SORCS1: variants seen among roughly 807,000 people sequenced by gnomAD.
SORCS1 encodes the protein sortilin related VPS10 domain containing receptor 1, also known as VPS10 domain-containing receptor SorCS1.
In SORCS1, 60 loss-of-function variants were observed where a neutral mutation model predicts 146.1. That is an observed-to-expected ratio of 0.41 (90% confidence interval 0.33 to 0.51). SORCS1 has a LOEUF of 0.51. Among genes scored for constraint, SORCS1 ranks in the 20% least tolerant of loss-of-function variants. SORCS1 has a pLI of 0.21. For synonymous variants in SORCS1, 637 were observed against 584.0 expected, an observed-to-expected ratio of 1.09 and a Z score of -1.31; for missense variants, 1,352 against 1,487.6, an observed-to-expected ratio of 0.91 and a Z score of 1.50.
At chr10:107,015,760 C>T (rs2139789991) in intron 1 of SORCS1, among the ~76,000 whole-genome samples, 1 of 152,252 alleles carries the variant, frequency 6.6e-6, no homozygotes, top group Middle Eastern at 3.4e-3. Flanking sequence ...TAGAAGAGTT[C>T]ATTTGTATAA....
chr10:107,064,599 C>A (rs1309099156), intron 1 of SORCS1, among the ~76,000 whole-genome samples: 3 of 152,204 alleles, frequency 2.0e-5, no homozygotes, highest in African/African-American at 7.2e-5. Flanking sequence ...TTTATTCATA[C>A]TTAATCCTCT....
Position 106,577,531 on chromosome 10 carries a change from G to C in SORCS1, c.3396C>G (p.Pro1132=). The change falls in exon 26 of 26, where the codon CCC becomes CCG. Residue 1132 remains proline, a synonymous_variant. Coordinates refer to ENST00000263054, the MANE Select transcript of SORCS1 (RefSeq NM_052918.5). ...FKRRVALPSP[P]SPSTQPGDSS... ...AGTCACCAGGTTGAGTAGAAGGGGAGGGAGGGGAGGGTAAAGCTACTCTCC... is the reference window on the plus strand; with the variant it reads ...AGTCACCAGGTTGAGTAGAAGGGGACGGAGGGGAGGGTAAAGCTACTCTCC... 6.2e-7 allele frequency: 1 copy of C among 1,609,528 alleles called. No individual in the cohort carries two copies. Among genetic ancestry groups the C allele is most frequent in the South Asian group, 1.1e-5 (1 of 91,012 alleles).
At chr10:107,169,313 T>C (rs1040270371), upstream of SORCS1, among the ~76,000 whole-genome samples, 2 of 152,114 alleles carry the variant, frequency 1.3e-5, no homozygotes, top group African/African-American at 4.8e-5. Context: ...GAAAGAAAAC[T>C]GGGGAGAATA....
chr10:106,607,082 T>A, intron 23 of SORCS1, 84 bp downstream of exon 23: 1 of 1,549,848 alleles, frequency 6.5e-7, no homozygotes, highest in Non-Finnish European at 8.7e-7. Flanking sequence ...ATCACCAGTT[T>A]ATGGGTCAGA....
At chr10:107,116,076 A>G (rs1355251335) in intron 1 of SORCS1, among the ~76,000 whole-genome samples, 1 of 152,150 alleles carries the variant, frequency 6.6e-6, no homozygotes, top group East Asian at 1.9e-4. Context: ...ATACCACTTC[A>G]TACATAGTAG....
In SORCS1 at chr10:107,164,236, T is replaced by C; in HGVS notation, c.291A>G (p.Ala97=). Residue 97 remains alanine, a synonymous_variant, in exon 1 of 26, where the codon GCA becomes GCG. Coordinates refer to ENST00000263054, the MANE Select transcript of SORCS1 (RefSeq NM_052918.5). The surrounding 1 kb of genome is among the most constrained non-coding windows in gnomAD (Gnocchi z 6.8). The stretch of plus-strand genomic sequence containing the variant: ...CGGAGCGTGCAGCAACCGCCATGGA[T>C]GCCCCAGTGCCCCGAGCCCGCTCCA... The part of the protein sequence containing the change: ...LSLERARGTG[A]SMAVAARSGR... 1 of 1,607,008 alleles carries C rather than the reference T, an allele frequency of 6.2e-7. No homozygotes were observed. Among genetic ancestry groups the C allele is most frequent in the Non-Finnish European group, 8.5e-7 (1 of 1,179,718 alleles).
intron 5 of SORCS1, among the ~76,000 whole-genome samples, chr10:106,739,613 C>A (rs998132610): frequency 6.6e-6 from 1 of 151,926 alleles, no homozygotes; most frequent in South Asian, 2.1e-4. Flanking sequence ...TCGAGACCAT[C>A]TGGCTAACAC....
At chr10:106,792,523 C>T (rs1373743678) in intron 3 of SORCS1, among the ~76,000 whole-genome samples, 1 of 152,220 alleles carries the variant, frequency 6.6e-6, no homozygotes, top group African/African-American at 2.4e-5. Flanking sequence ...TGAAATTAGG[C>T]ATGGAGAGAC....
At chr10:106,694,116 G>A (rs3861990) in intron 9 of SORCS1, among the ~76,000 whole-genome samples, 12,264 of 152,082 alleles carry the variant, frequency 0.081, 838 homozygotes, top group African/African-American at 0.19. Context: ...ACATGAGGCC[G>A]GGGTGCCTTC....
At chr10:107,110,269 T>C (rs1319789069) in intron 1 of SORCS1, among the ~76,000 whole-genome samples, 1 of 152,210 alleles carries the variant, frequency 6.6e-6, no homozygotes, top group Non-Finnish European at 1.5e-5. Flanking sequence ...AACTCATTAG[T>C]ACCGATTTTC....
chr10:106,938,879 T>C (rs1953886563), intron 2 of SORCS1, among the ~76,000 whole-genome samples: 1 of 152,168 alleles, frequency 6.6e-6, no homozygotes, highest in Non-Finnish European at 1.5e-5. Flanking sequence ...GCTAAGGTTA[T>C]TGTAGGCTGG....
chr10:106,891,692 G>A (rs1285794168), intron 2 of SORCS1, among the ~76,000 whole-genome samples: 3 of 151,744 alleles, frequency 2.0e-5, no homozygotes, highest in Non-Finnish European at 2.9e-5. Context: ...TGAGTATAAT[G>A]ATCCTCTTTG....
chr10:106,911,473 A>G (rs1328421930), intron 2 of SORCS1, among the ~76,000 whole-genome samples: 1 of 151,948 alleles, frequency 6.6e-6, no homozygotes. Flanking sequence ...TTTCAGTCAC[A>G]CAGCCTCAGC....
intron 3 of SORCS1, among the ~76,000 whole-genome samples, chr10:106,812,872 G>A (rs934910865): frequency 6.6e-6 from 1 of 152,052 alleles, no homozygotes; most frequent in African/African-American, 2.4e-5. Flanking sequence ...TAAAGGTAAC[G>A]ATAGAGCCAC....
At chr10:106,939,193 G>A (rs151073490) in intron 2 of SORCS1, among the ~76,000 whole-genome samples, 4 of 152,300 alleles carry the variant, frequency 2.6e-5, no homozygotes, top group Non-Finnish European at 2.9e-5. Context: ...AAAGATTTCC[G>A]GACATTTCCC....
chr10:106,826,911 C>G (rs1948330751), intron 3 of SORCS1, among the ~76,000 whole-genome samples: 1 of 152,176 alleles, frequency 6.6e-6, no homozygotes, highest in Non-Finnish European at 1.5e-5. Context: ...TAGGGTGTGT[C>G]AAGTCTTAAG....
At chr10:107,008,882 A>C (rs894943797) in intron 1 of SORCS1, among the ~76,000 whole-genome samples, 13 of 152,218 alleles carry the variant, frequency 8.5e-5, no homozygotes, top group Non-Finnish European at 1.6e-4. Context: ...CTGTCGTCCC[A>C]GTTGCTCGGG....
chr10:106,983,530 C>T (rs1956327390), intron 1 of SORCS1, among the ~76,000 whole-genome samples: 1 of 152,048 alleles, frequency 6.6e-6, no homozygotes, highest in African/African-American at 2.4e-5. Flanking sequence ...TTCTGTGATA[C>T]AATAATTGAA....
intron 1 of SORCS1, among the ~76,000 whole-genome samples, chr10:106,959,821 C>T (rs1013897289): frequency 1.3e-5 from 2 of 152,176 alleles, no homozygotes; most frequent in African/African-American, 4.8e-5. Context: ...TTCAGTGGAA[C>T]TTTTCAATTA....
Sources: allele counts gnomAD v4.1 joint callset (sites outside exome capture counted in the v4.1 genomes callset), GRCh38; gene constraint gnomAD v4.1.1; non-coding constraint Gnocchi (gnomAD v3.1); transcripts MANE v1.5; gene names NCBI Gene and HGNC (gene_info 2026-07-23, HGNC 2026-07-21).